SH2D1B: variants seen among roughly 807,000 people sequenced by gnomAD.
The protein encoded by SH2D1B is SH2 domain containing 1B.
A neutral mutation model predicts 16.3 loss-of-function variants in SH2D1B; 11 were observed. The observed-to-expected ratio is 0.67, with a 90% CI of 0.42 to 1.11. The LOEUF is 1.11. Ranked by LOEUF, SH2D1B falls within the 50% of genes most tolerant of loss-of-function variation. The probability of loss-of-function intolerance (pLI) is 0.00; values close to 1 mark genes in which losing one functional copy is unlikely to be tolerated. For missense variants in SH2D1B, 123 were observed against 153.1 expected, an observed-to-expected ratio of 0.80 and a Z score of 1.04; for synonymous variants, 55 against 56.1, an observed-to-expected ratio of 0.98 and a Z score of 0.09.
intron 2 of SH2D1B, among the ~76,000 whole-genome samples, chr1:162,400,537 C>T (rs1238500976): frequency 1.3e-5 from 2 of 148,826 alleles, no homozygotes; most frequent in African/African-American, 4.9e-5. Flanking sequence ...ATCTCCTGAC[C>T]TCATGATCTG....
rs1250411517 is a variant in SH2D1B at position 162,411,750 on chromosome 1, T to C, written c.134+133A>G. ...TACATTCCTCTCCTGGCAGTGTCCA[T>C]TACTTCTCATTCTACTCATTGAGAC... On this transcript the variant is annotated intron_variant, in intron 1 of 3. Coordinates refer to ENST00000367929, the MANE Select transcript of SH2D1B (RefSeq NM_053282.5). 2.0e-5 allele frequency: 24 copies of C among 1,206,770 alleles called. No homozygotes were observed. The East Asian group carries it at 2.4e-4, about 12-fold the overall frequency. 74.8% of individuals were successfully genotyped at this position (1,206,770 alleles called of 1,614,324 possible).
chr1:162,401,758 G>C (rs1648522261), intron 2 of SH2D1B, among the ~76,000 whole-genome samples: 2 of 151,994 alleles, frequency 1.3e-5, no homozygotes, highest in African/African-American at 4.8e-5. Flanking sequence ...TGAGGTGTTT[G>C]GGGATCATTT....
At chr1:162,410,908 C>T (rs555973369) in intron 1 of SH2D1B, among the ~76,000 whole-genome samples, 21 of 149,584 alleles carry the variant, frequency 1.4e-4, no homozygotes, top group African/African-American at 3.9e-4. Context: ...CACCTGCCTC[C>T]GCTTCCCAAA....
chr1:162,403,488 G>GA (rs1172751501), intron 1 of SH2D1B, among the ~76,000 whole-genome samples: 12 of 20,692 alleles, frequency 5.8e-4, no homozygotes, highest in Admixed American at 9.8e-4. Flanking sequence ...GACTCTGTCT[G>GA]AAAAAAAAAA....
chr1:162,411,820 G>C, intron 1 of SH2D1B, 63 bp downstream of exon 1: 3 of 1,600,434 alleles, frequency 1.9e-6, no homozygotes, highest in Non-Finnish European at 2.6e-6. Context: ...TTCCTGTACT[G>C]TGTGGCAGCC....
At chr1:162,406,758 C>A (rs1302803609) in intron 1 of SH2D1B, among the ~76,000 whole-genome samples, 1 of 152,180 alleles carries the variant, frequency 6.6e-6, no homozygotes, top group African/African-American at 2.4e-5. Context: ...CATTATTATT[C>A]TTAATGAGAG....
Position 162,412,038 on chromosome 1 carries a change from G to C in SH2D1B, c.-22C>G. The C allele has an allele frequency of 1.2e-6, 2 of 1,613,578 alleles. No individual in the cohort carries two copies. Among genetic ancestry groups the C allele is most frequent in the South Asian group, 2.2e-5 (2 of 91,072 alleles). On this transcript the variant is annotated 5_prime_UTR_variant, in exon 1 of 4. Transcript: ENST00000367929. ...CCATGGAGAACGCTCTTGTATCCCAGGAAGCCCTGTTGGCCTGAAATTCAC... is the reference window on the plus strand; with the variant it reads ...CCATGGAGAACGCTCTTGTATCCCACGAAGCCCTGTTGGCCTGAAATTCAC...
chr1:162,407,966 A>G (rs938366469), intron 1 of SH2D1B, among the ~76,000 whole-genome samples: 1 of 152,202 alleles, frequency 6.6e-6, no homozygotes, highest in African/African-American at 2.4e-5. Context: ...CTAAAGTCTC[A>G]GCTCCAATAT....
Position 162,398,159 on chromosome 1 carries a change from ACT to A in SH2D1B, c.363+762_363+763del, listed in dbSNP as rs761543227. On this transcript the variant is annotated intron_variant, in intron 3 of 3. Coordinates refer to ENST00000367929, the MANE Select transcript of SH2D1B (RefSeq NM_053282.5). ...TGGAGTGATTGCAGGCTCCCAGAGA[ACT>A]CTCTGTCCTCTGTCCCTCTCCTAGG... 2.6e-5 allele frequency among the ~76,000 whole-genome samples: 4 copies of A among 151,928 alleles called. 1 individual carries two copies. In the Middle Eastern group the frequency reaches 0.014, roughly 517 times the overall value.
rs756872736 is a variant in SH2D1B, at chr1:162,411,986, TCAGACGTC to T, written c.23_30del (p.Gly8AspfsTer6). 3.1e-6 allele frequency: 5 copies of T among 1,613,994 alleles called. No individual in the cohort carries two copies. The highest frequency in any genetic ancestry group is 4.2e-6 in the Non-Finnish European group (5 of 1,180,026). ...AGCAAGGTCTCACAGTCTTGCTTGG[TCAGACGTC>T]CATGGTAGTAAGGCAGATCCATGGA... On this transcript the variant is annotated frameshift_variant, in exon 1 of 4. Transcript: ENST00000367929. LOFTEE classifies it high-confidence loss of function.
intron 2 of SH2D1B, among the ~76,000 whole-genome samples, chr1:162,399,760 T>G (rs948866162): frequency 2.0e-5 from 3 of 152,200 alleles, no homozygotes; most frequent in Non-Finnish European, 4.4e-5. Flanking sequence ...CATGCAGTAT[T>G]TGGTTTTCTG....
At position 162,407,858 on chromosome 1, in the gene SH2D1B, G is replaced by C. The variant is rs530606409; in HGVS notation, c.134+4025C>G. On this transcript the variant is annotated intron_variant, in intron 1 of 3. Coordinates refer to ENST00000367929, the MANE Select transcript of SH2D1B (RefSeq NM_053282.5). ...CATGAGGGCAGAAACATTGCCAGTA[G>C]TATTTATCACTGTATTACCAATGCT... Among the ~76,000 whole-genome samples the C allele has an allele frequency of 1.7e-4, 26 of 152,250 alleles. 1 individual carries two copies. In the South Asian group the frequency reaches 5.4e-3, roughly 32 times the overall value.
chr1:162,404,959 G>A (rs1648618452), intron 1 of SH2D1B, among the ~76,000 whole-genome samples: 1 of 152,158 alleles, frequency 6.6e-6, no homozygotes, highest in Admixed American at 6.5e-5. Flanking sequence ...ATTTACCCAG[G>A]AGAAATGAAA....
intron 1 of SH2D1B, among the ~76,000 whole-genome samples, chr1:162,403,346 G>A (rs921190724): frequency 9.9e-5 from 15 of 150,830 alleles, no homozygotes; most frequent in Non-Finnish European, 1.8e-4. Context: ...AAAATTAGCT[G>A]GGTGTGGTGG....
chr1:162,401,722 C>T (rs1648521710), intron 2 of SH2D1B, among the ~76,000 whole-genome samples: 1 of 152,070 alleles, frequency 6.6e-6, no homozygotes, highest in South Asian at 2.1e-4. Context: ...ATAATGTCCT[C>T]TATAGCAAAA....
chr1:162,408,114 C>T (rs187176110), intron 1 of SH2D1B, among the ~76,000 whole-genome samples: 1 of 152,244 alleles, frequency 6.6e-6, no homozygotes, highest in East Asian at 1.9e-4. Context: ...AGGCATCAAC[C>T]GAGTGTCTAG....
At chr1:162,409,661 C>T (rs1571276287) in intron 1 of SH2D1B, among the ~76,000 whole-genome samples, 1 of 152,178 alleles carries the variant, frequency 6.6e-6, no homozygotes, top group African/African-American at 2.4e-5. Flanking sequence ...TCACTGCAAC[C>T]TCTGCCTCCT....
chr1:162,409,914 T>C (rs1230547583), intron 1 of SH2D1B, among the ~76,000 whole-genome samples: 2 of 152,124 alleles, frequency 1.3e-5, no homozygotes, highest in Non-Finnish European at 2.9e-5. Context: ...TGGATGTAGA[T>C]ATGAGAGAAA....
chr1:162,410,602 G>A (rs1338411009), intron 1 of SH2D1B, among the ~76,000 whole-genome samples: 1 of 151,500 alleles, frequency 6.6e-6, no homozygotes, highest in Non-Finnish European at 1.5e-5. Flanking sequence ...GCATAAACAA[G>A]TTCCTTCAGC....
Sources: allele counts gnomAD v4.1 joint callset (sites outside exome capture counted in the v4.1 genomes callset), GRCh38; gene constraint gnomAD v4.1.1; transcripts MANE v1.5; gene names NCBI Gene and HGNC (gene_info 2026-07-23, HGNC 2026-07-21).